Variants in TACC2 observed in about 807,000 individuals in gnomAD.
TACC2 encodes the protein transforming acidic coiled-coil-containing protein 2.
Under a neutral mutation model 227.3 loss-of-function variants are expected in TACC2, and 137 were observed. The ratio of observed to expected loss-of-function variants is 0.60; its 90% CI spans 0.52 to 0.69. The LOEUF (loss-of-function observed/expected upper bound fraction) is 0.69, where lower values mean the gene tolerates loss of function less well. TACC2 is among the 30% of genes least tolerant of loss of function. The probability of loss-of-function intolerance (pLI) is 0.00; values close to 1 mark genes in which losing one functional copy is unlikely to be tolerated. For synonymous variants in TACC2, 1,523 were observed against 1,487.5 expected (o/e 1.02, Z -0.55); for missense variants, 3,470 against 3,694.4 (o/e 0.94, Z 1.57).
intron 2 of TACC2, among the ~76,000 whole-genome samples, chr10:122,049,322 C>T (rs553921828): frequency 2.4e-4 from 36 of 152,332 alleles, no homozygotes; most frequent in Non-Finnish European, 2.5e-4. Flanking sequence ...GTGGCGGTTT[C>T]GTCCACCACA....
chr10:122,154,741 G>A (rs905857904), intron 7 of TACC2, among the ~76,000 whole-genome samples: 13 of 152,194 alleles, frequency 8.5e-5, no homozygotes, highest in Non-Finnish European at 1.8e-4. Context: ...AGGGCCTCTC[G>A]GCTGGTTATG....
Position 122,184,311 on chromosome 10 carries a change from T to TG in TACC2, c.5835-10722dup, listed in dbSNP as rs552071531. ...CACCCCTGATAATACAGCCTGGGGG[T>TG]GGGGGGGTGCCCTGGTGGGTGTGTC... On this transcript the variant is annotated intron_variant, in intron 7 of 22. Coordinates refer to ENST00000369005, the MANE Select transcript of TACC2 (RefSeq NM_206862.4). Among the ~76,000 whole-genome samples the TG allele has an allele frequency of 1.5e-3, 227 of 151,728 alleles. 1 individual carries two copies. Among genetic ancestry groups the TG allele is most frequent in the African/African-American group, 5.1e-3 (211 of 41,334 alleles).
intron 5 of TACC2, among the ~76,000 whole-genome samples, chr10:122,130,702 G>A (rs2087889518): frequency 6.6e-6 from 1 of 152,314 alleles, no homozygotes; most frequent in African/African-American, 2.4e-5. Flanking sequence ...TTCAACCTTC[G>A]ACAAGCTGCT....
chr10:122,046,900 G>A (rs1328477998), intron 2 of TACC2, among the ~76,000 whole-genome samples: 1 of 152,142 alleles, frequency 6.6e-6, no homozygotes, highest in Non-Finnish European at 1.5e-5. Flanking sequence ...TTTCAAAAAT[G>A]CAGGACCCTG....
Position 122,210,978 on chromosome 10 carries a change from C to T in TACC2, c.6553C>T (p.Pro2185Ser), listed in dbSNP as rs1294603489. Residue 2185 changes from proline to serine, a missense_variant, in exon 9 of 23, where the codon CCA becomes TCA. Physicochemically the swap from Pro to Ser is moderately conservative, Grantham distance 74. This residue lies in a region of TACC2 where 593 missense variants were observed against 636.6 expected (regional missense o/e 0.93). Coordinates refer to ENST00000369005, the MANE Select transcript of TACC2 (RefSeq NM_206862.4). The surrounding 1 kb of genome is among the most constrained non-coding windows in gnomAD (Gnocchi z 4.6). Reference sequence around the variant, plus strand: ...ATCTGCCAAGACGGAAGGTCCTAGCCCAGCCTTATTGGAGGAGACGCCCCT... The same window carrying T: ...ATCTGCCAAGACGGAAGGTCCTAGCTCAGCCTTATTGGAGGAGACGCCCCT... The part of the protein sequence containing the change: ...TESAKTEGPS[P>S]ALLEETPLEP... 1.2e-6 allele frequency: 2 copies of T among 1,613,624 alleles called. No individual in the cohort carries two copies. The highest frequency in any genetic ancestry group is 1.7e-6 in the Non-Finnish European group (2 of 1,179,832).
intron 4 of TACC2, 24 bp downstream of exon 4, chr10:122,087,983 C>G (rs190885720): frequency 1.3e-6 from 2 of 1,491,876 alleles, no homozygotes; most frequent in African/African-American, 2.8e-5. Context: ...AAAATTCCCA[C>G]GGGAATGTGT....
At chr10:122,089,819 A>G (rs1252191498) in intron 5 of TACC2, among the ~76,000 whole-genome samples, 1 of 152,208 alleles carries the variant, frequency 6.6e-6, no homozygotes, top group Non-Finnish European at 1.5e-5. Flanking sequence ...ACTTCCACTG[A>G]CACCCAGCTG....
intron 8 of TACC2, among the ~76,000 whole-genome samples, chr10:122,198,743 G>A (rs1291944972): frequency 1.3e-5 from 2 of 152,226 alleles, no homozygotes; most frequent in Non-Finnish European, 2.9e-5. Context: ...GAACCAGACT[G>A]CTCTCTGCGC....
chr10:122,062,285 G>A (rs904079394), intron 3 of TACC2, among the ~76,000 whole-genome samples: 1 of 151,590 alleles, frequency 6.6e-6, no homozygotes, highest in African/African-American at 2.4e-5. Context: ...TGCCCGCCTC[G>A]GCCTCCCAAA....
intron 5 of TACC2, among the ~76,000 whole-genome samples, chr10:122,111,948 A>G (rs1475511761): frequency 6.6e-6 from 1 of 152,198 alleles, no homozygotes; most frequent in East Asian, 1.9e-4. Context: ...AAGTTTCCAT[A>G]AAAAATGTGA....
At chr10:122,098,284 AG>A (rs1434782288) in intron 5 of TACC2, among the ~76,000 whole-genome samples, 1 of 152,180 alleles carries the variant, frequency 6.6e-6, no homozygotes, top group African/African-American at 2.4e-5. Context: ...TAAGAGAATA[AG>A]CTATGATCTT....
chr10:122,181,021 G>A (rs995399670), intron 7 of TACC2, among the ~76,000 whole-genome samples: 4 of 152,150 alleles, frequency 2.6e-5, no homozygotes, highest in African/African-American at 9.7e-5. Flanking sequence ...TGGGATTACA[G>A]GCATGAGCCA....
chr10:122,039,162 G>T (rs2073948893), intron 2 of TACC2, among the ~76,000 whole-genome samples: 1 of 152,156 alleles, frequency 6.6e-6, no homozygotes, highest in African/African-American at 2.4e-5. Flanking sequence ...TTTTAGTAGA[G>T]ATGGGGTTTC....
At chr10:122,142,601 T>C (rs1211489241) in intron 6 of TACC2, among the ~76,000 whole-genome samples, 2 of 152,124 alleles carry the variant, frequency 1.3e-5, no homozygotes, top group Non-Finnish European at 2.9e-5. Flanking sequence ...ACTCCTGCAA[T>C]CTGGGAGCTC....
At chr10:122,039,143 G>A (rs1272677184) in intron 2 of TACC2, among the ~76,000 whole-genome samples, 2 of 152,000 alleles carry the variant, frequency 1.3e-5, no homozygotes, top group Non-Finnish European at 2.9e-5. Context: ...GCCTGGCTAA[G>A]TTTTGTATTT....
At chr10:122,132,040 GAAAGAAAGAAAGAAAGAAAGAAAGAA>G (rs1347750237) in intron 5 of TACC2, among the ~76,000 whole-genome samples, 12 of 1,206 alleles carry the variant, frequency 1.0e-2, no homozygotes, top group East Asian at 0.077. Flanking sequence ...GAAAAAGAAA[GAAAGAAAGAAAGAAAGAAAGAAAGAA>G]AAAGAAAGAA....
rs533265127 is a variant in TACC2, at chr10:122,180,097, C to T, written c.5835-14943C>T. ...GAGACGGTGTCTCCAAAAAAACAGG[C>T]GAGTCCTTTCCCCGTGTAACCCTCA... On this transcript the variant is annotated intron_variant, in intron 7 of 22. Transcript: ENST00000369005. The surrounding 1 kb of genome is among the most constrained non-coding windows in gnomAD (Gnocchi z 4.5). Among the ~76,000 whole-genome samples, 14 of 151,742 alleles carry T rather than the reference C, an allele frequency of 9.2e-5. No homozygotes were observed. The highest frequency in any genetic ancestry group is 4.2e-4 in the South Asian group (2 of 4,798).
In TACC2 at chr10:122,226,467, G is replaced by A. The variant is rs774010181; in HGVS notation, c.7710G>A (p.Pro2570=). ...CTCCCGTCCGCATGTCAGAGTCCCC[G>A]ACGCCGTGTTCAGGGTATGACTTCC... is the stretch of plus-strand genomic sequence containing the variant. The part of the protein sequence containing the change: ...KSSPVRMSES[P]TPCSGSSFEE... Residue 2570 remains proline (P), a synonymous_variant, in exon 13 of 23, where the codon CCG becomes CCA. Transcript: ENST00000369005. 104 of 1,613,054 alleles carry A rather than the reference G, an allele frequency of 6.4e-5. No individual in the cohort carries two copies. Among genetic ancestry groups the A allele is most frequent in the Middle Eastern group, 1.6e-4 (1 of 6,080 alleles).
At chr10:122,249,303 GCA>G (rs1176133967) in intron 21 of TACC2, 147 bp downstream of exon 21, 2 of 735,336 alleles carry the variant, frequency 2.7e-6, no homozygotes, top group African/African-American at 1.8e-5. Flanking sequence ...TCGAGAGAAG[GCA>G]CACAGTTAGC....
Sources: gnomAD v4.1 joint callset for allele counts (sites outside exome capture counted in the v4.1 genomes callset) on GRCh38, gnomAD v4.1.1 for gene constraint, gnomAD v4.1.1 regional missense constraint, Gnocchi (gnomAD v3.1) non-coding constraint, MANE v1.5 for transcripts, NCBI Gene and HGNC (gene_info 2026-07-23, HGNC 2026-07-21) for gene names.